PKD1L1: variants seen among roughly 807,000 people sequenced by gnomAD.
PKD1L1 encodes polycystin 1 like 1, transient receptor potential channel interacting.
Under a neutral mutation model 323.4 loss-of-function variants are expected in PKD1L1, and 236 were observed. The observed-to-expected ratio is 0.73, with a 90% CI of 0.66 to 0.81. PKD1L1 has a LOEUF of 0.81. Ranked by LOEUF, PKD1L1 falls within the 40% of genes least tolerant of loss-of-function variation. The pLI is 0.00. For synonymous variants in PKD1L1, 1,344 were observed against 1,335.0 expected (o/e 1.01, Z -0.15); for missense variants, 3,320 against 3,508.0 (o/e 0.95, Z 1.35).
intron 55 of PKD1L1, among the ~76,000 whole-genome samples, chr7:47,794,439 A>G (rs796876751): frequency 6.6e-6 from 1 of 152,206 alleles, no homozygotes; most frequent in African/African-American, 2.4e-5. Flanking sequence ...AAGCCTTGGC[A>G]GCTTCCATGT....
intron 8 of PKD1L1, among the ~76,000 whole-genome samples, chr7:47,913,062 G>A (rs1562987294): frequency 6.6e-6 from 1 of 152,012 alleles, no homozygotes; most frequent in African/African-American, 2.4e-5. Flanking sequence ...TGGTCATGAT[G>A]CTGCTGGGCC....
chr7:47,825,767 G>A (rs1423847257), intron 45 of PKD1L1, among the ~76,000 whole-genome samples: 1 of 152,138 alleles, frequency 6.6e-6, no homozygotes, highest in East Asian at 1.9e-4. Flanking sequence ...TTATGCCTAA[G>A]TGTATTTTGT....
At chr7:47,948,475 G>A (rs1788147102), upstream of PKD1L1, 1 of 1,609,794 alleles carries the variant, frequency 6.2e-7, no homozygotes, top group Non-Finnish European at 8.5e-7. Context: ...ATGACAGTCA[G>A]CAGACCAGCT....
At chr7:47,835,420 A>T (rs557106112) in intron 37 of PKD1L1, among the ~76,000 whole-genome samples, 177 bp from the exon 38 acceptor site, 237 of 152,302 alleles carry the variant, frequency 1.6e-3, no homozygotes, top group Admixed American at 3.5e-3. Context: ...TGATTGATTG[A>T]GATGGAGTCT....
intron 10 of PKD1L1, 103 bp downstream of exon 10, chr7:47,905,740 G>A: frequency 6.7e-7 from 1 of 1,488,742 alleles, no homozygotes; most frequent in Non-Finnish European, 9.1e-7. Context: ...GGGCTCTCCA[G>A]CAGAGCCGAT....
At chr7:47,957,885 ATAAACT>A in the PKD1L1 span, among the ~76,000 whole-genome samples, 1 of 149,068 alleles carries the variant, frequency 6.7e-6, no homozygotes. Context: ...ATATCTAGAA[ATAAACT>A]TAACCATGGT....
At chr7:47,834,122 G>A (rs1021490811) in intron 40 of PKD1L1, among the ~76,000 whole-genome samples, 2 of 141,298 alleles carry the variant, frequency 1.4e-5, no homozygotes, top group South Asian at 2.4e-4. Context: ...GGAGAGCCGG[G>A]TTGCCATGGC....
intron 3 of PKD1L1, among the ~76,000 whole-genome samples, chr7:47,937,472 G>A (rs1787894257): frequency 6.6e-6 from 1 of 152,102 alleles, no homozygotes; most frequent in Non-Finnish European, 1.5e-5. Context: ...AGTTACGGGA[G>A]GCCAAGTGGG....
intron 16 of PKD1L1, 139 bp from the exon 17 acceptor site, chr7:47,888,289 TATG>T: frequency 1.2e-6 from 1 of 841,646 alleles, no homozygotes; most frequent in South Asian, 1.7e-5. Context: ...TCACAGCACA[TATG>T]ATGGCACATA....
Position 47,843,954 on chromosome 7 carries a change from A to G in PKD1L1, c.5238-785T>C, listed in dbSNP as rs534244302. Among the ~76,000 whole-genome samples the G allele has an allele frequency of 3.7e-4, 57 of 152,140 alleles. 5 individuals are homozygous for G. In the South Asian group the frequency reaches 0.012, roughly 31 times the overall value. ...CTGCCCTCTTTTTTCCCACCAAGAT[A>G]GAGCCTGTTCAGAGCTCTGCCCCAC... is the stretch of plus-strand genomic sequence containing the variant. On this transcript the variant is annotated intron_variant, in intron 33 of 56. Transcript: ENST00000289672.
At chr7:47,922,444 G>C (rs6962539) in intron 7 of PKD1L1, among the ~76,000 whole-genome samples, 9,759 of 151,112 alleles carry the variant, frequency 0.065, 1,035 homozygotes, top group African/African-American at 0.22. Flanking sequence ...CTTCCCGGCC[G>C]TCATCCCGTC....
intron 33 of PKD1L1, among the ~76,000 whole-genome samples, chr7:47,844,556 C>T (rs576782937): frequency 1.3e-5 from 2 of 152,104 alleles, no homozygotes; most frequent in South Asian, 2.1e-4. Flanking sequence ...AAATAGTGTA[C>T]ATTTTAAATC....
At chr7:47,900,684 T>C (rs902637940) in intron 13 of PKD1L1, among the ~76,000 whole-genome samples, 2 of 152,088 alleles carry the variant, frequency 1.3e-5, no homozygotes, top group African/African-American at 2.4e-5. Context: ...GCCGAGATCA[T>C]GCCATTGCAC....
intron 55 of PKD1L1, chr7:47,795,393 T>C: frequency 4.4e-6 from 2 of 455,416 alleles, no homozygotes; most frequent in Non-Finnish European, 8.8e-6. Flanking sequence ...ATGTAAGAAG[T>C]GCCTTTCACC....
chr7:47,939,268 T>A (rs938663877), intron 3 of PKD1L1, among the ~76,000 whole-genome samples: 1 of 152,164 alleles, frequency 6.6e-6, no homozygotes, highest in Admixed American at 6.5e-5. Context: ...TAAACTCAGA[T>A]GGATGTGCTA....
intron 47 of PKD1L1, among the ~76,000 whole-genome samples, chr7:47,814,685 T>C (rs1229294416): frequency 1.3e-5 from 2 of 152,220 alleles, no homozygotes; most frequent in African/African-American, 4.8e-5. Context: ...AGCTAACTTT[T>C]GTATTTTTAG....
intron 7 of PKD1L1, among the ~76,000 whole-genome samples, chr7:47,928,197 C>G (rs572307758): frequency 6.6e-6 from 1 of 152,142 alleles, no homozygotes; most frequent in South Asian, 2.1e-4. Context: ...TAGAAAAGGA[C>G]TTTTTACTAT....
At chr7:47,934,579 T>C (rs1008994516) in intron 4 of PKD1L1, among the ~76,000 whole-genome samples, 9 of 152,170 alleles carry the variant, frequency 5.9e-5, no homozygotes, top group African/African-American at 2.2e-4. Flanking sequence ...TGATTTTCTT[T>C]AGGAAAACAA....
intron 1 of PKD1L1, among the ~76,000 whole-genome samples, chr7:47,945,691 C>T (rs1029514894): frequency 2.6e-5 from 4 of 152,178 alleles, no homozygotes; most frequent in Admixed American, 6.5e-5. Flanking sequence ...AAGGAAAGGA[C>T]GAACCTAACC....
Sources: allele counts gnomAD v4.1 joint callset (sites outside exome capture counted in the v4.1 genomes callset), GRCh38; gene constraint gnomAD v4.1.1; transcripts MANE v1.5; gene names NCBI Gene and HGNC (gene_info 2026-07-23, HGNC 2026-07-21).